SIAE: variants seen among roughly 807,000 people sequenced by gnomAD.
SIAE encodes sialic acid acetylesterase, also known as sialate O-acetylesterase.
Under a neutral mutation model 52.6 loss-of-function variants are expected in SIAE, and 39 were observed. That is an observed-to-expected ratio of 0.74 (90% CI 0.57 to 0.97). SIAE has a LOEUF of 0.97. Ranked by LOEUF, SIAE falls within the 50% of genes least tolerant of loss-of-function variation. SIAE has a pLI of 0.00. For synonymous variants in SIAE, 233 were observed against 241.4 expected (o/e 0.97, Z 0.32); for missense variants, 592 against 662.1 (o/e 0.89, Z 1.16).
intron 1 of SIAE, among the ~76,000 whole-genome samples, chr11:124,669,852 C>T (rs1023831467): frequency 6.6e-5 from 10 of 152,184 alleles, no homozygotes; most frequent in African/African-American, 9.6e-5. Flanking sequence ...GGCTCTCTCC[C>T]GCAAAATCAC....
At position 124,660,776 on chromosome 11, in the gene SIAE, A is replaced by T. The variant is rs778852164; in HGVS notation, c.257T>A (p.Leu86Gln). Reference protein sequence around the residue: ...KAHSDTWMVVLDPMKPGGPFE... With the variant: ...KAHSDTWMVVQDPMKPGGPFE... ...AGGTCCTCCAGGCTTCATAGGATCC[A>T]GTACCACCATCCACGTATCAGAGTG... Residue 86 changes from leucine to glutamine, a missense_variant, in exon 3 of 10, where the codon CTG (leucine) becomes CAG (glutamine). Physicochemically the swap from Leu to Gln is moderately radical, Grantham distance 113. Transcript: ENST00000263593. 8 of 1,614,222 alleles carry T rather than the reference A, an allele frequency of 5.0e-6. No individual in the cohort carries two copies. The highest frequency in any genetic ancestry group is 4.2e-6 in the Non-Finnish European group (5 of 1,180,032).
chr11:124,650,677 G>A (rs1184384660), intron 4 of SIAE, among the ~76,000 whole-genome samples: 3 of 152,144 alleles, frequency 2.0e-5, no homozygotes, highest in Non-Finnish European at 2.9e-5. Flanking sequence ...GGAGGCTGAG[G>A]CAGGAGAATC....
chr11:124,675,038 T>A (rs189976985), upstream of SIAE: 73 of 376,482 alleles, frequency 1.9e-4, 1 homozygote, highest in Middle Eastern at 7.3e-4. Flanking sequence ...GCCTAGTGAA[T>A]GGGTCTGTGT....
intron 3 of SIAE, among the ~76,000 whole-genome samples, chr11:124,656,301 T>A (rs984182535): frequency 2.6e-5 from 4 of 152,268 alleles, no homozygotes; most frequent in Admixed American, 1.3e-4. Context: ...GCTGGTTGAA[T>A]CTGCACATGT....
rs534737933 is a variant in SIAE at position 124,636,560 on chromosome 11, G to T, written c.*391C>A. The T allele has an allele frequency of 9.0e-5, 26 of 287,562 alleles. No homozygotes were observed. The South Asian group carries it at 1.0e-3, about 11-fold the overall frequency. The allele number at this position is 287,562 out of a possible 1,614,324, so 17.8% of individuals were successfully genotyped here. ...ACTTGGATGGGAGAAATTTTATAAA[G>T]AACACATGAACACTAGCTGGCCTAT... is the stretch of plus-strand genomic sequence containing the variant. On this transcript the variant is annotated 3_prime_UTR_variant, in exon 10 of 10. Transcript: ENST00000263593.
At chr11:124,661,286 C>T (rs959345623) in intron 2 of SIAE, among the ~76,000 whole-genome samples, 3 of 152,170 alleles carry the variant, frequency 2.0e-5, no homozygotes, top group South Asian at 2.1e-4. Context: ...CTTCACTCCC[C>T]GTCTCCTCCT....
chr11:124,655,522 A>G (rs1943086053), intron 3 of SIAE, among the ~76,000 whole-genome samples: 1 of 152,150 alleles, frequency 6.6e-6, no homozygotes, highest in Admixed American at 6.5e-5. Flanking sequence ...GTGGAACCAA[A>G]AAGGCCGTGG....
At chr11:124,666,409 T>A (rs1210046758) in intron 2 of SIAE, among the ~76,000 whole-genome samples, 1 of 152,138 alleles carries the variant, frequency 6.6e-6, no homozygotes, top group Non-Finnish European at 1.5e-5. Flanking sequence ...CCTCCTTTAC[T>A]CCAATTAACA....
intron 3 of SIAE, among the ~76,000 whole-genome samples, chr11:124,657,054 G>A (rs1033866559): frequency 5.3e-5 from 8 of 151,996 alleles, no homozygotes; most frequent in Non-Finnish European, 1.5e-5. Context: ...CCAATAAGAT[G>A]GCCAGATGGA....
intron 2 of SIAE, 108 bp from the exon 3 acceptor site, chr11:124,660,911 C>G (rs758446058): frequency 1.5e-5 from 21 of 1,364,228 alleles, no homozygotes; most frequent in Non-Finnish European, 2.2e-5. Flanking sequence ...AAACCGAATT[C>G]AAAGCTATGA....
intron 4 of SIAE, among the ~76,000 whole-genome samples, chr11:124,652,328 G>A (rs186249025): frequency 7.2e-5 from 11 of 152,202 alleles, no homozygotes; most frequent in South Asian, 2.1e-4. Context: ...ATCTAGGTGC[G>A]TCCAATCTAA....
intron 3 of SIAE, among the ~76,000 whole-genome samples, chr11:124,656,237 T>C (rs551694577): frequency 3.5e-4 from 54 of 152,348 alleles, no homozygotes; most frequent in African/African-American, 1.3e-3. Flanking sequence ...TGTGTATTAT[T>C]TATTGTTGTA....
intron 9 of SIAE, among the ~76,000 whole-genome samples, chr11:124,638,002 A>G (rs554951819): frequency 1.3e-4 from 20 of 152,008 alleles, no homozygotes; most frequent in African/African-American, 4.8e-4. Flanking sequence ...AATATCGAAG[A>G]CTCCTGAATA....
intron 3 of SIAE, 35 bp from the exon 4 acceptor site, chr11:124,654,828 A>T: frequency 6.2e-7 from 1 of 1,612,000 alleles, no homozygotes; most frequent in African/African-American, 1.3e-5. Context: ...TTAACCTAGC[A>T]GGTGGTGAAC....
In SIAE at chr11:124,642,584, T is replaced by A. The variant is rs139051847; in HGVS notation, c.967-2717A>T. On this transcript the variant is annotated intron_variant, in intron 7 of 9. Transcript: ENST00000263593. ...GATGCGCAAAGAAGCTATGAGGATATCTGGGTATGTTAGGCGGATGACCCA... is the reference window on the plus strand; with the variant it reads ...GATGCGCAAAGAAGCTATGAGGATAACTGGGTATGTTAGGCGGATGACCCA... Among the ~76,000 whole-genome samples, 122 of 152,282 alleles carry A rather than the reference T, an allele frequency of 8.0e-4. No individual in the cohort carries two copies. In the Middle Eastern group the frequency reaches 0.01, roughly 13 times the overall value.
chr11:124,640,343 C>T (rs2134354330), intron 7 of SIAE, among the ~76,000 whole-genome samples: 1 of 152,292 alleles, frequency 6.6e-6, no homozygotes, highest in South Asian at 2.1e-4. Flanking sequence ...CCAGCAATCA[C>T]AGATAAGGGC....
chr11:124,670,642 C>T lies in SIAE; in HGVS notation c.68-1121G>A, dbSNP rs1246886457. ...TGGAAGCTACAAATGATGAGGGCCC[C>T]TTCGGCTATACTTAACAGGGCAGCA... is the stretch of plus-strand genomic sequence containing the variant. On this transcript the variant is annotated intron_variant, in intron 1 of 9. Transcript: ENST00000263593. This position sits in a 1 kb window ranked among gnomAD's most constrained non-coding sequence, Gnocchi z 4.5. 6.6e-6 allele frequency among the ~76,000 whole-genome samples: 1 copy of T among 152,168 alleles called. No individual in the cohort carries two copies. The highest frequency in any genetic ancestry group is 1.9e-4 in the East Asian group (1 of 5,204).
intron 2 of SIAE, among the ~76,000 whole-genome samples, chr11:124,662,700 A>G (rs964653101): frequency 1.3e-5 from 2 of 152,200 alleles, no homozygotes; most frequent in Non-Finnish European, 2.9e-5. Context: ...AATCGAGAGA[A>G]CTAGGCATCA....
At chr11:124,638,926 T>C (rs1231053645) in intron 8 of SIAE, among the ~76,000 whole-genome samples, 189 bp from the exon 9 acceptor site, 1 of 152,144 alleles carries the variant, frequency 6.6e-6, no homozygotes, top group Non-Finnish European at 1.5e-5. Flanking sequence ...CTGGGCCTTC[T>C]ATGGGTTGGA....
Sources: gnomAD v4.1 joint callset for allele counts (sites outside exome capture counted in the v4.1 genomes callset) on GRCh38, gnomAD v4.1.1 for gene constraint, Gnocchi (gnomAD v3.1) non-coding constraint, MANE v1.5 for transcripts, NCBI Gene and HGNC (gene_info 2026-07-23, HGNC 2026-07-21) for gene names.